ABCA13: variants seen among roughly 807,000 people sequenced by gnomAD.
The protein encoded by ABCA13 is ATP-binding cassette sub-family A member 13.
Under a neutral mutation model 478.7 loss-of-function variants are expected in ABCA13, and 476 were observed. That is an observed-to-expected ratio of 0.99 (90% CI 0.92 to 1.07). The LOEUF (loss-of-function observed/expected upper bound fraction) is 1.07. ABCA13 is among the 50% of genes least tolerant of loss of function. The pLI is 0.00. For synonymous variants in ABCA13, 2,252 were observed against 2,158.9 expected, an observed-to-expected ratio of 1.04 and a Z score of -1.20; for missense variants, 6,060 against 5,910.6, an observed-to-expected ratio of 1.03 and a Z score of -0.83.
At chr7:48,290,441 C>T (rs1354159822) in intron 20 of ABCA13, among the ~76,000 whole-genome samples, 2 of 152,058 alleles carry the variant, frequency 1.3e-5, no homozygotes, top group Non-Finnish European at 2.9e-5. Flanking sequence ...AAAAGTATAG[C>T]CTGATGAATT....
chr7:48,255,098 A>G (rs1237482188), intron 15 of ABCA13, among the ~76,000 whole-genome samples: 1 of 152,164 alleles, frequency 6.6e-6, no homozygotes, highest in African/African-American at 2.4e-5. Flanking sequence ...TTGGACTACA[A>G]CAATCTAGTT....
At chr7:48,297,164 T>G in intron 21 of ABCA13, 68 bp from the exon 22 acceptor site, 1 of 1,282,044 alleles carries the variant, frequency 7.8e-7, no homozygotes, top group Non-Finnish European at 1.1e-6. Flanking sequence ...GAGGCAGTAT[T>G]ATTCATTCCA....
chr7:48,181,050 T>G (rs988132809), intron 1 of ABCA13, among the ~76,000 whole-genome samples: 1 of 152,214 alleles, frequency 6.6e-6, no homozygotes, highest in African/African-American at 2.4e-5. Context: ...CTCTTTTTAG[T>G]TTCGTTCCAT....
At chr7:48,178,915 T>C (rs1795254860) in intron 1 of ABCA13, among the ~76,000 whole-genome samples, 1 of 149,986 alleles carries the variant, frequency 6.7e-6, no homozygotes, top group South Asian at 2.1e-4. Context: ...ATCAAAAAGC[T>C]AGGTCTGGGA....
At chr7:48,404,082 T>A in intron 39 of ABCA13, 1 of 610,264 alleles carries the variant, frequency 1.6e-6, no homozygotes, top group Non-Finnish European at 3.0e-6. Flanking sequence ...ACTTTGTGTT[T>A]GACCTTTTAA....
chr7:48,618,156 C>T (rs891238558), intron 59 of ABCA13, among the ~76,000 whole-genome samples: 13 of 152,112 alleles, frequency 8.5e-5, no homozygotes, highest in Non-Finnish European at 1.6e-4. Flanking sequence ...CTTTCTACCC[C>T]AATCTGCAGG....
intron 15 of ABCA13, among the ~76,000 whole-genome samples, chr7:48,254,570 A>C (rs1280022909): frequency 6.6e-6 from 1 of 152,158 alleles, no homozygotes; most frequent in Non-Finnish European, 1.5e-5. Context: ...TGCATTTCAG[A>C]CATTATATGT....
chr7:48,367,144 T>G (rs1404081777), intron 31 of ABCA13, among the ~76,000 whole-genome samples: 2 of 152,048 alleles, frequency 1.3e-5, no homozygotes, highest in Admixed American at 6.6e-5. Flanking sequence ...AAGATGTGGG[T>G]GCAAAGCTGG....
At chr7:48,422,026 C>A (rs1259437459) in intron 41 of ABCA13, among the ~76,000 whole-genome samples, 1 of 137,246 alleles carries the variant, frequency 7.3e-6, no homozygotes, top group East Asian at 2.1e-4. Context: ...TTTCTGTTGG[C>A]CCCAAACCCT....
intron 41 of ABCA13, among the ~76,000 whole-genome samples, chr7:48,417,135 A>G (rs1820128220): frequency 6.6e-6 from 1 of 152,180 alleles, no homozygotes; most frequent in African/African-American, 2.4e-5. Context: ...AGACTGTACA[A>G]GTCCGAAGAA....
rs182903160 is a variant in ABCA13 at position 48,279,371 on chromosome 7, A to C, written c.8177A>C (p.Gln2726Pro). 6.3e-7 allele frequency: 1 copy of C among 1,593,160 alleles called. No homozygotes were observed. ...VIPFLDKILS[Q>P]NSTEIGSFLK... The stretch of plus-strand genomic sequence containing the variant: ...CCTTTTTTGGATAAAATATTATCAC[A>C]AAACAGCACAGAAATAGGATCTTTC... The change falls in exon 18 of 62, where the codon CAA becomes CCA. Residue 2726 changes from glutamine (Q) to proline (P), a missense_variant. Transcript: ENST00000435803.
intron 56 of ABCA13, among the ~76,000 whole-genome samples, chr7:48,580,896 C>G (rs532074458): frequency 1.3e-5 from 2 of 152,054 alleles, no homozygotes; most frequent in Admixed American, 1.3e-4. Context: ...GAAGGAGTGG[C>G]AGAAACTGAG....
At chr7:48,306,471 A>G (rs1800916792) in intron 23 of ABCA13, among the ~76,000 whole-genome samples, 1 of 152,202 alleles carries the variant, frequency 6.6e-6, no homozygotes, top group Non-Finnish European at 1.5e-5. Context: ...TTTGAGGGAT[A>G]GTTTCATGCA....
In ABCA13 at chr7:48,524,350, T is replaced by C. The variant is rs1196688671; in HGVS notation, c.14154T>C (p.Leu4718=). Residue 4718 remains leucine, a synonymous_variant, in exon 54 of 62, where the codon CTT becomes CTC. Coordinates refer to ENST00000435803, the MANE Select transcript of ABCA13 (RefSeq NM_152701.5). ...AAGGAAGGACCAATGGAGACATTCT[T>C]GTGTTATACAACCTTAGTAAACATT... is the stretch of plus-strand genomic sequence containing the variant. ...VFEGRTNGDI[L]VLYNLSKHYR... is the part of the protein sequence containing the mutation. 3 of 1,613,362 alleles carry C rather than the reference T, an allele frequency of 1.9e-6. No individual in the cohort carries two copies. The highest frequency in any genetic ancestry group is 2.2e-5 in the East Asian group (1 of 44,756).
chr7:48,194,378 T>G (rs1291786923), intron 2 of ABCA13, among the ~76,000 whole-genome samples: 2 of 151,626 alleles, frequency 1.3e-5, no homozygotes, highest in African/African-American at 2.4e-5. Flanking sequence ...GTGATGATGG[T>G]GTTGTTGGTG....
intron 45 of ABCA13, among the ~76,000 whole-genome samples, chr7:48,475,285 G>C (rs980555671): frequency 2.0e-5 from 3 of 152,092 alleles, no homozygotes; most frequent in Admixed American, 2.0e-4. Context: ...CAAAGGAGAC[G>C]TACACAAAGC....
At chr7:48,355,662 G>A (rs954943892) in intron 31 of ABCA13, among the ~76,000 whole-genome samples, 2 of 152,006 alleles carry the variant, frequency 1.3e-5, no homozygotes, top group Non-Finnish European at 2.9e-5. Flanking sequence ...TAGCAGAGAA[G>A]CTGGTAAAAA....
At chr7:48,536,825 AAT>A (rs1833616317) in intron 55 of ABCA13, among the ~76,000 whole-genome samples, 1 of 151,950 alleles carries the variant, frequency 6.6e-6, no homozygotes. Context: ...TTCATATGCT[AAT>A]AGTCTATATA....
At chr7:48,330,737 ACATCCATC>A (rs201089135) in intron 27 of ABCA13, among the ~76,000 whole-genome samples, 2,058 of 136,950 alleles carry the variant, frequency 0.015, 22 homozygotes, top group Middle Eastern at 0.057. Flanking sequence ...ATCCATTGAC[ACATCCATC>A]CATCCATCCA....
Sources: gnomAD v4.1 joint callset for allele counts (sites outside exome capture counted in the v4.1 genomes callset) on GRCh38, gnomAD v4.1.1 for gene constraint, MANE v1.5 for transcripts, NCBI Gene and HGNC (gene_info 2026-07-23, HGNC 2026-07-21) for gene names.